Variants in RORA observed in about 807,000 individuals in gnomAD.
RORA encodes the protein nuclear receptor ROR-alpha.
RORA carries 7 observed loss-of-function variants against 69.5 expected under a neutral mutation model. The observed-to-expected ratio is 0.10, with a 90% confidence interval of 0.06 to 0.19. RORA has a LOEUF of 0.19. Among genes scored for constraint, RORA ranks in the 10% least tolerant of loss-of-function variants. RORA has a pLI of 1.00. For missense variants in RORA, 457 were observed against 663.0 expected, an observed-to-expected ratio of 0.69 and a Z score of 3.41; for synonymous variants, 261 against 240.8, an observed-to-expected ratio of 1.08 and a Z score of -0.78.
Position 61,128,835 on chromosome 15 carries a change from C to T in RORA, c.166+100218G>A, listed in dbSNP as rs1161929090. Among the ~76,000 whole-genome samples the T allele has an allele frequency of 1.3e-5, 2 of 152,160 alleles. No homozygotes were observed. Among genetic ancestry groups the T allele is most frequent in the African/African-American group, 4.8e-5 (2 of 41,426 alleles). The stretch of plus-strand genomic sequence containing the variant: ...AAGTGCTAAGCAAAGTCAATCAGCA[C>T]ACGATGGCCCCAGGAATGAGAGCAA... On this transcript the variant is annotated intron_variant, in intron 1 of 10. Coordinates refer to ENST00000335670, the MANE Select transcript of RORA (RefSeq NM_134261.3). This position sits in a 1 kb window ranked among gnomAD's most constrained non-coding sequence, Gnocchi z 4.5.
chr15:61,200,006 C>T (rs1015044072), intron 1 of RORA, among the ~76,000 whole-genome samples: 2 of 152,136 alleles, frequency 1.3e-5, no homozygotes, highest in African/African-American at 2.4e-5. Context: ...TTGCAGGGTG[C>T]CCTTTCTTGT....
At chr15:61,139,937 T>C (rs1456099260) in intron 1 of RORA, among the ~76,000 whole-genome samples, 1 of 152,178 alleles carries the variant, frequency 6.6e-6, no homozygotes, top group East Asian at 1.9e-4. Context: ...AATTGTTACC[T>C]GATTGGAAGT....
chr15:60,896,755 T>G, intron 1 of RORA, among the ~76,000 whole-genome samples: 1 of 139,700 alleles, frequency 7.2e-6, no homozygotes. Context: ...TTTTTTTGGC[T>G]GCATAGCCAA....
At chr15:60,651,811 T>G (rs1010275674) in intron 2 of RORA, among the ~76,000 whole-genome samples, 28 of 152,324 alleles carry the variant, frequency 1.8e-4, no homozygotes, top group Middle Eastern at 3.4e-3. Context: ...CTGAGAGAGA[T>G]AAATTTACAA....
chr15:60,538,120 A>G (rs1287531175), intron 2 of RORA, among the ~76,000 whole-genome samples: 3 of 152,164 alleles, frequency 2.0e-5, no homozygotes, highest in Admixed American at 1.3e-4. Flanking sequence ...TAGCCACAAG[A>G]AAGAGAGACT....
intron 1 of RORA, among the ~76,000 whole-genome samples, chr15:60,936,514 A>G (rs1000544590): frequency 3.3e-5 from 5 of 152,350 alleles, no homozygotes; most frequent in Non-Finnish European, 7.3e-5. Context: ...CAGTAGCTAC[A>G]GAAGTGAAAA....
At chr15:61,143,710 C>G (rs1248527042) in intron 1 of RORA, among the ~76,000 whole-genome samples, 1 of 152,024 alleles carries the variant, frequency 6.6e-6, no homozygotes, top group Non-Finnish European at 1.5e-5. Flanking sequence ...TACAACTGGC[C>G]AGTTAGTAGG....
intron 1 of RORA, among the ~76,000 whole-genome samples, chr15:60,723,320 A>G (rs2071316171): frequency 1.3e-5 from 2 of 152,166 alleles, no homozygotes; most frequent in South Asian, 4.2e-4. Context: ...AGAAAAATAG[A>G]CTGTTTATCA....
chr15:61,205,217 A>G (rs1333600436), intron 1 of RORA, among the ~76,000 whole-genome samples: 1 of 152,240 alleles, frequency 6.6e-6, no homozygotes, highest in African/African-American at 2.4e-5. Flanking sequence ...GCCTGGCTGA[A>G]TAAAGCCATT....
chr15:61,100,512 T>A (rs2078863988), intron 1 of RORA, among the ~76,000 whole-genome samples: 1 of 152,210 alleles, frequency 6.6e-6, no homozygotes, highest in South Asian at 2.1e-4. Flanking sequence ...CAGAACAGTG[T>A]GCCCTTCTCC....
intron 2 of RORA, among the ~76,000 whole-genome samples, chr15:60,616,344 T>C (rs1167747288): frequency 6.6e-6 from 1 of 152,196 alleles, no homozygotes; most frequent in Non-Finnish European, 1.5e-5. Context: ...GCGTCTGCCC[T>C]CTCATCTCTC....
At chr15:60,643,495 A>G (rs2069982007) in intron 2 of RORA, among the ~76,000 whole-genome samples, 1 of 152,212 alleles carries the variant, frequency 6.6e-6, no homozygotes, top group African/African-American at 2.4e-5. Flanking sequence ...TCCAAGAATA[A>G]CCCTGGGTTT....
chr15:60,651,627 T>A (rs137965357), intron 2 of RORA, among the ~76,000 whole-genome samples: 3 of 152,228 alleles, frequency 2.0e-5, no homozygotes, highest in African/African-American at 7.2e-5. Context: ...CCTTCCCCCA[T>A]AACATCAATA....
At chr15:60,870,539 G>C (rs557756690) in intron 1 of RORA, among the ~76,000 whole-genome samples, 161 of 152,326 alleles carry the variant, frequency 1.1e-3, no homozygotes, top group African/African-American at 3.6e-3. Context: ...GGCGTCTTTA[G>C]CTAGCAAATC....
chr15:60,744,567 C>T (rs2071621570), intron 1 of RORA, among the ~76,000 whole-genome samples: 1 of 152,164 alleles, frequency 6.6e-6, no homozygotes, highest in South Asian at 2.1e-4. Flanking sequence ...GTTCAGTGTC[C>T]TCACCAGCAA....
rs1219436398 is a variant in RORA at position 60,616,458 on chromosome 15, T to G, written c.196+62199A>C. ...TGAGGATTGAGAAATTTTGATTTGT[T>G]TGTTGTTTTACTGGTATCTGTTGTG... On this transcript the variant is annotated intron_variant, in intron 2 of 10. Coordinates refer to ENST00000335670, the MANE Select transcript of RORA (RefSeq NM_134261.3). 2.0e-5 allele frequency among the ~76,000 whole-genome samples: 3 copies of G among 152,290 alleles called. No homozygotes were observed. The East Asian group carries it at 5.8e-4, about 29-fold the overall frequency.
chr15:60,897,788 G>A (rs971788248), intron 1 of RORA, among the ~76,000 whole-genome samples: 12 of 152,224 alleles, frequency 7.9e-5, no homozygotes, highest in African/African-American at 2.2e-4. Flanking sequence ...TTTACACAGC[G>A]AAGGAGCTAA....
chr15:61,204,967 T>A (rs2079927359), intron 1 of RORA, among the ~76,000 whole-genome samples: 1 of 152,212 alleles, frequency 6.6e-6, no homozygotes, highest in Non-Finnish European at 1.5e-5. Flanking sequence ...CTTTTCAATC[T>A]AAAAACTTCA....
chr15:60,533,654 TGAAAGG>T (rs1340956927), intron 2 of RORA, among the ~76,000 whole-genome samples: 3 of 152,178 alleles, frequency 2.0e-5, no homozygotes, highest in African/African-American at 4.8e-5. Flanking sequence ...AGAGAAATCC[TGAAAGG>T]TGCTATCAGC....
Sources: allele counts gnomAD v4.1 joint callset (sites outside exome capture counted in the v4.1 genomes callset), GRCh38; gene constraint gnomAD v4.1.1; non-coding constraint Gnocchi (gnomAD v3.1); transcripts MANE v1.5; gene names NCBI Gene and HGNC (gene_info 2026-07-23, HGNC 2026-07-21).